The following MCTP1 variants were observed in gnomAD, a reference collection of about 807,000 sequenced individuals.
The protein encoded by MCTP1 is multiple C2 and transmembrane domain containing 1.
Under a neutral mutation model 120.6 loss-of-function variants are expected in MCTP1, and 69 were observed. The observed-to-expected ratio is 0.57, with a 90% CI of 0.47 to 0.70. The LOEUF is 0.70. Among genes scored for constraint, MCTP1 ranks in the 30% least tolerant of loss-of-function variants. The probability of loss-of-function intolerance (pLI) is 0.00; values close to 1 mark genes in which losing one functional copy is unlikely to be tolerated. For missense variants in MCTP1, 1,203 were observed against 1,248.8 expected (o/e 0.96, Z 0.55); for synonymous variants, 529 against 493.1 (o/e 1.07, Z -0.96).
chr5:94,974,461 A>G (rs904832768), intron 2 of MCTP1, among the ~76,000 whole-genome samples: 1 of 152,058 alleles, frequency 6.6e-6, no homozygotes, highest in African/African-American at 2.4e-5. Flanking sequence ...AGACAGGAGG[A>G]CTGTTTGAGT....
chr5:94,794,090 T>C (rs977469082), intron 18 of MCTP1, among the ~76,000 whole-genome samples: 1 of 152,238 alleles, frequency 6.6e-6, no homozygotes, highest in African/African-American at 2.4e-5. Context: ...GTCACAGTCA[T>C]ATCATGAGTC....
At chr5:94,730,722 C>T (rs1048673868) in intron 19 of MCTP1, among the ~76,000 whole-genome samples, 10 of 152,136 alleles carry the variant, frequency 6.6e-5, no homozygotes, top group East Asian at 3.9e-4. Flanking sequence ...GTACCCCTGG[C>T]GGTTATCTGT....
Position 95,284,469 on chromosome 5 carries a change from T to G in MCTP1, c.107A>C (p.Lys36Thr). 4.9e-6 allele frequency: 6 copies of G among 1,230,426 alleles called. No homozygotes were observed. The highest frequency in any genetic ancestry group is 6.8e-6 in the Non-Finnish European group (6 of 888,784). The allele number at this position is 1,230,426 out of a possible 1,614,324, so 76.2% of individuals were successfully genotyped here. ...CCCAGCGCGCCCGCCCCCGCCGCCC[T>G]TGCTCCTGCCCACCCCCAGCTGCAG... ...KNLQLGVGRS[K>T]GGGGGRAGGP... Residue 36 changes from lysine to threonine, a missense_variant, in exon 1 of 23, where the codon AAG becomes ACG. Physicochemically the swap from Lys to Thr is moderately conservative, Grantham distance 78. Transcript: ENST00000515393. The surrounding 1 kb of genome is among the most constrained non-coding windows in gnomAD (Gnocchi z 5.2).
chr5:95,025,391 T>C (rs1243837641), intron 1 of MCTP1, among the ~76,000 whole-genome samples: 2 of 152,134 alleles, frequency 1.3e-5, no homozygotes, highest in African/African-American at 2.4e-5. Flanking sequence ...AAGCTCAAAA[T>C]TGAAAATTCA....
At chr5:94,811,616 C>G (rs1246622695) in intron 17 of MCTP1, among the ~76,000 whole-genome samples, 2 of 152,168 alleles carry the variant, frequency 1.3e-5, no homozygotes, top group Non-Finnish European at 2.9e-5. Flanking sequence ...AGTACAAATT[C>G]TTGGAGCAAG....
chr5:95,062,799 ATTGTTTTT>A (rs1337769391), intron 1 of MCTP1, among the ~76,000 whole-genome samples: 1 of 19,482 alleles, frequency 5.1e-5, no homozygotes, highest in African/African-American at 5.4e-5. Context: ...TCTCTGTTTT[ATTGTTTTT>A]TTGTTTTTTT....
intron 1 of MCTP1, among the ~76,000 whole-genome samples, chr5:95,077,462 G>C (rs991977525): frequency 6.6e-6 from 1 of 151,506 alleles, no homozygotes; most frequent in Non-Finnish European, 1.5e-5. Context: ...AAGCAATTAT[G>C]GTTCATTATA....
chr5:94,875,278 C>A (rs778583223), intron 12 of MCTP1, among the ~76,000 whole-genome samples: 6 of 152,028 alleles, frequency 3.9e-5, no homozygotes, highest in African/African-American at 1.4e-4. Flanking sequence ...TCTTGGGTGA[C>A]CCAGAGGAAC....
chr5:94,777,870 A>G (rs1318429124), intron 19 of MCTP1, among the ~76,000 whole-genome samples: 1 of 152,104 alleles, frequency 6.6e-6, no homozygotes, highest in African/African-American at 2.4e-5. Flanking sequence ...AAAATTTCAC[A>G]TAAAAGCTCT....
chr5:94,916,701 T>C (rs1196546049), intron 8 of MCTP1, among the ~76,000 whole-genome samples: 2 of 152,146 alleles, frequency 1.3e-5, no homozygotes, highest in African/African-American at 4.8e-5. Flanking sequence ...GTATAGCAAA[T>C]CTCTCAAATA....
intron 1 of MCTP1, among the ~76,000 whole-genome samples, chr5:95,070,853 C>G (rs1000469434): frequency 2.0e-5 from 3 of 152,126 alleles, no homozygotes; most frequent in Non-Finnish European, 4.4e-5. Context: ...CTGATCTTAA[C>G]TAGGGACTAT....
chr5:94,943,905 G>A (rs1408256115), intron 3 of MCTP1, among the ~76,000 whole-genome samples: 1 of 152,054 alleles, frequency 6.6e-6, no homozygotes, highest in African/African-American at 2.4e-5. Flanking sequence ...CTCTTGAATG[G>A]ATGACCTGGG....
At position 94,917,944 on chromosome 5, in the gene MCTP1, CAG is replaced by C. The variant is rs1309965911; in HGVS notation, c.1300_1301del (p.Leu434GlyfsTer44). 8.1e-6 allele frequency: 13 copies of C among 1,613,960 alleles called. No individual in the cohort carries two copies. Among genetic ancestry groups the C allele is most frequent in the Non-Finnish European group, 1.0e-5 (12 of 1,179,892 alleles). On this transcript the variant is annotated frameshift_variant, in exon 8 of 23. Coordinates refer to ENST00000515393, the MANE Select transcript of MCTP1 (RefSeq NM_024717.7). LOFTEE classifies it high-confidence loss of function. ...RTCGRPALPV[L>X]GFCRAELQNP... Reference sequence around the variant, plus strand: ...TCTGAAGCTCTGCTCTGCAGAAGCCCAGGACAGGAAGAGCTGGCCTGCCGCAC... The same window carrying C: ...TCTGAAGCTCTGCTCTGCAGAAGCCCGACAGGAAGAGCTGGCCTGCCGCAC...
intron 6 of MCTP1, chr5:94,930,716 T>A (rs1448021290): frequency 1.3e-5 from 2 of 152,218 alleles, no homozygotes; most frequent in African/African-American, 4.8e-5. Context: ...TGGGTTGTCA[T>A]GTTTTTTACA....
chr5:95,068,818 A>G (rs1751355718), intron 1 of MCTP1: 1 of 1,278,122 alleles, frequency 7.8e-7, no homozygotes, highest in African/African-American at 1.5e-5. Context: ...TTCCAATCTT[A>G]CCATACAGGG....
At chr5:95,055,918 T>C (rs866024391) in intron 1 of MCTP1, among the ~76,000 whole-genome samples, 4 of 152,362 alleles carry the variant, frequency 2.6e-5, no homozygotes, top group East Asian at 3.9e-4. Flanking sequence ...TGATCGTCTA[T>C]AATAAAAATC....
At chr5:94,915,851 C>A (rs1809920032) in intron 8 of MCTP1, among the ~76,000 whole-genome samples, 1 of 152,002 alleles carries the variant, frequency 6.6e-6, no homozygotes, top group Non-Finnish European at 1.5e-5. Context: ...ATAATAGAGA[C>A]TTTACCTACT....
chr5:94,942,244 C>T lies in MCTP1; in HGVS notation c.1061+104G>A. On this transcript the variant is annotated intron_variant, in intron 4 of 22. Transcript: ENST00000515393. Reference sequence around the variant, plus strand: ...AAAGGCTGACTAGCAGGAAGGCTCACCACTATAAATGACAGAACTAGACCC... The same window carrying T: ...AAAGGCTGACTAGCAGGAAGGCTCATCACTATAAATGACAGAACTAGACCC... The T allele has an allele frequency of 5.1e-6, 4 of 778,116 alleles. No individual in the cohort carries two copies. In the South Asian group the frequency reaches 6.6e-5, roughly 13 times the overall value. The allele number at this position is 778,116 out of a possible 1,614,324, so 48.2% of individuals were successfully genotyped here.
chr5:95,169,022 T>C (rs1443497281), intron 1 of MCTP1, among the ~76,000 whole-genome samples: 7 of 152,224 alleles, frequency 4.6e-5, no homozygotes, highest in African/African-American at 1.7e-4. Flanking sequence ...CAGTATGATA[T>C]TGGCTGTGGG....
Sources: allele counts gnomAD v4.1 joint callset (sites outside exome capture counted in the v4.1 genomes callset), GRCh38; gene constraint gnomAD v4.1.1; non-coding constraint Gnocchi (gnomAD v3.1); transcripts MANE v1.5; gene names NCBI Gene and HGNC (gene_info 2026-07-23, HGNC 2026-07-21).